The following AGAP1 variants were observed in gnomAD, a reference collection of about 807,000 sequenced individuals.
AGAP1 encodes arf-GAP with GTPase, ANK repeat and PH domain-containing protein 1.
A neutral mutation model predicts 105.3 loss-of-function variants in AGAP1; 29 were observed. That is an observed-to-expected ratio of 0.28 (90% confidence interval 0.21 to 0.38). The LOEUF is 0.38. Ranked by LOEUF, AGAP1 falls within the 10% of genes least tolerant of loss-of-function variation. The probability of loss-of-function intolerance (pLI) is 1.00; values close to 1 mark genes in which losing one functional copy is unlikely to be tolerated. For missense variants in AGAP1, 998 were observed against 1,165.1 expected (o/e 0.86, Z 2.09); for synonymous variants, 509 against 485.9 (o/e 1.05, Z -0.63).
At chr2:235,696,257 G>T (rs1949992429) in intron 1 of AGAP1, among the ~76,000 whole-genome samples, 1 of 152,160 alleles carries the variant, frequency 6.6e-6, no homozygotes, top group Non-Finnish European at 1.5e-5. Flanking sequence ...TGTTGGTCAG[G>T]CTGGTCTTGA....
chr2:236,103,109 T>A (rs914764104), intron 16 of AGAP1, among the ~76,000 whole-genome samples: 2 of 148,600 alleles, frequency 1.3e-5, no homozygotes, highest in African/African-American at 2.5e-5. Context: ...CTCAGCCCCC[T>A]GCACAGCGCC....
At chr2:235,704,385 A>C (rs1950417508) in intron 1 of AGAP1, among the ~76,000 whole-genome samples, 1 of 151,116 alleles carries the variant, frequency 6.6e-6, no homozygotes, top group South Asian at 2.1e-4. Context: ...GTGGTGGCTC[A>C]TGCCTATATT....
intron 1 of AGAP1, among the ~76,000 whole-genome samples, chr2:235,605,582 C>T (rs1945903365): frequency 6.6e-6 from 1 of 152,142 alleles, no homozygotes; most frequent in African/African-American, 2.4e-5. Context: ...CTGGAAACAC[C>T]AATTATTCAA....
intron 16 of AGAP1, among the ~76,000 whole-genome samples, chr2:236,093,125 A>G (rs1488213918): frequency 2.0e-5 from 3 of 152,262 alleles, no homozygotes; most frequent in African/African-American, 7.2e-5. Flanking sequence ...GGAACTGGAA[A>G]ATCTCTATCC....
At chr2:235,873,522 G>A (rs533722515) in intron 9 of AGAP1, among the ~76,000 whole-genome samples, 2 of 151,916 alleles carry the variant, frequency 1.3e-5, no homozygotes, top group Admixed American at 6.6e-5. Context: ...AGGTTTACAT[G>A]TATAAATGCA....
chr2:235,702,316 T>C (rs969419931), intron 1 of AGAP1, among the ~76,000 whole-genome samples: 1 of 152,180 alleles, frequency 6.6e-6, no homozygotes, highest in Non-Finnish European at 1.5e-5. Context: ...AGGTCCTGGC[T>C]CCCTTGTCTA....
At chr2:236,016,872 T>C (rs1178606887) in intron 13 of AGAP1, among the ~76,000 whole-genome samples, 1 of 152,198 alleles carries the variant, frequency 6.6e-6, no homozygotes, top group Non-Finnish European at 1.5e-5. Context: ...AGTTTCTGTT[T>C]GGTGTTCAAG....
At chr2:235,605,786 T>C (rs1945911769) in intron 1 of AGAP1, among the ~76,000 whole-genome samples, 1 of 152,238 alleles carries the variant, frequency 6.6e-6, no homozygotes, top group South Asian at 2.1e-4. Context: ...AATTAGTCAA[T>C]GACTCTAGAA....
intron 13 of AGAP1, among the ~76,000 whole-genome samples, chr2:236,006,667 A>T (rs2056333171): frequency 1.3e-5 from 2 of 152,178 alleles, no homozygotes; most frequent in African/African-American, 4.8e-5. Flanking sequence ...ACTTTACATT[A>T]AAAAGTAGTA....
rs189607359 is a variant in AGAP1 at position 235,692,846 on chromosome 2, G to T, written c.164-16333G>T. ...CGGAGTCAGGGTGTGCTTGGTGTGC[G>T]TATCTCCCTTGATGTGGCACTGCCT... On this transcript the variant is annotated intron_variant, in intron 1 of 17. Coordinates refer to ENST00000304032, the MANE Select transcript of AGAP1 (RefSeq NM_001037131.3). This position sits in a 1 kb window ranked among gnomAD's most constrained non-coding sequence, Gnocchi z 5.8. 3.9e-5 allele frequency among the ~76,000 whole-genome samples: 6 copies of T among 152,278 alleles called. No homozygotes were observed. The highest frequency in any genetic ancestry group is 1.4e-4 in the African/African-American group (6 of 41,562).
At chr2:235,634,509 A>G (rs1232904505) in intron 1 of AGAP1, among the ~76,000 whole-genome samples, 1 of 152,182 alleles carries the variant, frequency 6.6e-6, no homozygotes, top group African/African-American at 2.4e-5. Flanking sequence ...TTTTGTGTCA[A>G]AATGGAGTCT....
rs1666645657 is a variant in AGAP1 at position 235,665,694 on chromosome 2, G to A, written c.164-43485G>A. Among the ~76,000 whole-genome samples, 2 of 152,100 alleles carry A rather than the reference G, an allele frequency of 1.3e-5. No homozygotes were observed. The highest frequency in any genetic ancestry group is 4.2e-4 in the South Asian group (2 of 4,802). ...AACTGGCTACCAGAAAATAGCCTTTGATGTACCCACGGAGGGGCTCTTGGT... is the reference window on the plus strand; with the variant it reads ...AACTGGCTACCAGAAAATAGCCTTTAATGTACCCACGGAGGGGCTCTTGGT... On this transcript the variant is annotated intron_variant, in intron 1 of 17. Transcript: ENST00000304032. The surrounding 1 kb of genome is among the most constrained non-coding windows in gnomAD (Gnocchi z 5.3).
intron 1 of AGAP1, among the ~76,000 whole-genome samples, chr2:235,693,446 C>T (rs899911139): frequency 2.6e-5 from 4 of 152,208 alleles, no homozygotes; most frequent in African/African-American, 9.6e-5. Flanking sequence ...GGGACTCAGC[C>T]TAGAGTGATC....
In AGAP1 at chr2:236,027,664, A is replaced by C. The variant is rs1454873835; in HGVS notation, c.1646-8897A>C. On this transcript the variant is annotated intron_variant, in intron 13 of 17. Coordinates refer to ENST00000304032, the MANE Select transcript of AGAP1 (RefSeq NM_001037131.3). The surrounding 1 kb of genome is among the most constrained non-coding windows in gnomAD (Gnocchi z 4.4). ...CCATTGCCTCTTGATTTGGGAGCTG[A>C]TGCTGGACCCCGCATTGACGAGACA... Among the ~76,000 whole-genome samples, 1 of 152,046 alleles carries C rather than the reference A, an allele frequency of 6.6e-6. No homozygotes were observed. Among genetic ancestry groups the C allele is most frequent in the Non-Finnish European group, 1.5e-5 (1 of 68,014 alleles).
chr2:235,657,467 C>G (rs1285887284), intron 1 of AGAP1, among the ~76,000 whole-genome samples: 1 of 152,140 alleles, frequency 6.6e-6, no homozygotes, highest in African/African-American at 2.4e-5. Context: ...CAACCTCTGC[C>G]TCTCGGGTTC....
chr2:236,088,649 T>G (rs1259093531), intron 16 of AGAP1, among the ~76,000 whole-genome samples: 1 of 152,236 alleles, frequency 6.6e-6, no homozygotes, highest in African/African-American at 2.4e-5. Context: ...TGTTAATTAT[T>G]TATCTGGGTT....
At chr2:235,798,277 T>C (rs1384479161) in intron 7 of AGAP1, among the ~76,000 whole-genome samples, 1 of 152,212 alleles carries the variant, frequency 6.6e-6, no homozygotes, top group Non-Finnish European at 1.5e-5. Context: ...CATTCAATTA[T>C]AATTACCATC....
chr2:235,567,171 C>T (rs367752138), intron 1 of AGAP1, among the ~76,000 whole-genome samples: 69 of 152,226 alleles, frequency 4.5e-4, no homozygotes, highest in East Asian at 1.9e-4. Flanking sequence ...CCCAGGCCAG[C>T]GGGCAGCCCT....
At chr2:235,743,832 C>G (rs769521953) in intron 4 of AGAP1, among the ~76,000 whole-genome samples, 3 of 152,176 alleles carry the variant, frequency 2.0e-5, no homozygotes, top group African/African-American at 7.2e-5. Context: ...ATCTTTGTTG[C>G]CAGATAGAGC....
Sources: gnomAD v4.1 joint callset for allele counts (sites outside exome capture counted in the v4.1 genomes callset) on GRCh38, gnomAD v4.1.1 for gene constraint, Gnocchi (gnomAD v3.1) non-coding constraint, MANE v1.5 for transcripts, NCBI Gene and HGNC (gene_info 2026-07-23, HGNC 2026-07-21) for gene names.